Variants in FBN1 observed in about 807,000 individuals in gnomAD.
FBN1 encodes the protein fibrillin 1, also known as fibrillin-1.
In FBN1, 29 loss-of-function variants were observed where a neutral mutation model predicts 365.1. The ratio of observed to expected loss-of-function variants is 0.08; its 90% CI spans 0.06 to 0.11. FBN1 has a LOEUF of 0.11. FBN1 is among the 10% of genes least tolerant of loss of function. The pLI is 1.00. For missense variants in FBN1, 2,476 were observed against 3,703.2 expected, an observed-to-expected ratio of 0.67 and a Z score of 8.60; for synonymous variants, 1,210 against 1,270.5, an observed-to-expected ratio of 0.95 and a Z score of 1.01.
intron 63 of FBN1, among the ~76,000 whole-genome samples, chr15:48,418,126 CA>C (rs2042915622): frequency 6.6e-6 from 1 of 151,632 alleles, no homozygotes; most frequent in Admixed American, 6.6e-5. Flanking sequence ...TTTTTTATAG[CA>C]AAAAAAGACA....
At chr15:48,424,821 G>C (rs1346247376) in intron 60 of FBN1, among the ~76,000 whole-genome samples, 2 of 152,174 alleles carry the variant, frequency 1.3e-5, no homozygotes, top group Non-Finnish European at 2.9e-5. Context: ...GTTGAGAAGG[G>C]ATTTCTGCCC....
intron 54 of FBN1, 81 bp downstream of exon 54, chr15:48,434,513 T>C: frequency 6.4e-7 from 1 of 1,563,086 alleles, no homozygotes; most frequent in Non-Finnish European, 8.8e-7. Flanking sequence ...CTGAGTTGTA[T>C]TTAATATTAA....
chr15:48,556,486 A>G (rs2044181654), intron 6 of FBN1, among the ~76,000 whole-genome samples: 1 of 152,236 alleles, frequency 6.6e-6, no homozygotes, highest in African/African-American at 2.4e-5. Context: ...CCCTTGAAAT[A>G]CCCACGGATT....
In FBN1 at chr15:48,596,362, G is replaced by C; in HGVS notation, c.459C>G (p.Gly153=). 1 of 1,613,994 alleles carries C rather than the reference G, an allele frequency of 6.2e-7. No homozygotes were observed. Among genetic ancestry groups the C allele is most frequent in the Middle Eastern group, 1.7e-4 (1 of 6,060 alleles). ...THCGQPVCES[G]CLNGGRCVAP... is the part of the protein sequence containing the mutation. Reference sequence around the variant, plus strand: ...CCACACACCTTCCTCCATTGAGACAGCCACTTTCACAAACAGCTGTAAAAT... The same window carrying C: ...CCACACACCTTCCTCCATTGAGACACCCACTTTCACAAACAGCTGTAAAAT... Residue 153 remains glycine, a synonymous_variant, in exon 6 of 66, where the codon GGC becomes GGG. Transcript: ENST00000316623.
At chr15:48,417,456 CTTCCTTCCTTCCT>C (rs1159645039) in intron 63 of FBN1, among the ~76,000 whole-genome samples, 4 of 124,562 alleles carry the variant, frequency 3.2e-5, no homozygotes, top group Admixed American at 2.7e-4. Context: ...CCTTTCCTTC[CTTCCTTCCTTCCT>C]TTCCTTCCTT....
chr15:48,498,312 A>C (rs2043625208), intron 18 of FBN1, among the ~76,000 whole-genome samples: 1 of 152,138 alleles, frequency 6.6e-6, no homozygotes, highest in Admixed American at 6.5e-5. Context: ...ACAATGATGA[A>C]ACTAATCATA....
intron 14 of FBN1, among the ~76,000 whole-genome samples, chr15:48,509,366 A>G (rs1019406475): frequency 6.6e-6 from 1 of 150,530 alleles, no homozygotes; most frequent in Non-Finnish European, 1.5e-5. Context: ...TCTTTTAGAC[A>G]CAGTGTTTTC....
Position 48,444,022 on chromosome 15 carries a change from C to T in FBN1, c.6037+519G>A, listed in dbSNP as rs566838716. ...ACTTCAACCTGGTGACAGAGTAAGA[C>T]CCTGTCTCCATTAAAAACAAACAAA... is the stretch of plus-strand genomic sequence containing the variant. On this transcript the variant is annotated intron_variant, in intron 49 of 65. Coordinates refer to ENST00000316623, the MANE Select transcript of FBN1 (RefSeq NM_000138.5). Among the ~76,000 whole-genome samples, 22 of 152,154 alleles carry T rather than the reference C, an allele frequency of 1.4e-4. 1 individual carries two copies. The East Asian group carries it at 4.3e-3, about 30-fold the overall frequency.
chr15:48,456,793 A>T (rs1164937791), intron 43 of FBN1, 31 bp from the exon 44 acceptor site: 2 of 1,607,348 alleles, frequency 1.2e-6, no homozygotes, highest in Non-Finnish European at 1.7e-6. Context: ...CATGAGTGAC[A>T]GGACAGCACA....
intron 54 of FBN1, 42 bp downstream of exon 54, chr15:48,434,552 A>T (rs766726254): frequency 6.2e-7 from 1 of 1,612,088 alleles, no homozygotes; most frequent in South Asian, 1.1e-5. Flanking sequence ...TGTTCCCAGG[A>T]TCAGTACACG....
intron 64 of FBN1, among the ~76,000 whole-genome samples, chr15:48,414,206 AAAGAAT>A (rs2042884923): frequency 6.6e-6 from 1 of 152,210 alleles, no homozygotes; most frequent in African/African-American, 2.4e-5. Flanking sequence ...ATTAAACTAT[AAAGAAT>A]GAGTCTACTG....
chr15:48,481,723 G>A lies in FBN1; in HGVS notation c.3896C>T (p.Thr1299Met), dbSNP rs774851476. 6.3e-5 allele frequency: 101 copies of A among 1,613,562 alleles called. No homozygotes were observed. The Admixed American group carries it at 1.4e-3, about 23-fold the overall frequency. The change falls in exon 32 of 66, where the codon ACG (threonine) becomes ATG (methionine). Residue 1299 changes from threonine to methionine, a missense_variant. Around this residue, in one of 5 missense-constraint regions of FBN1, gnomAD observed 1,780 missense variants for 2,840.8 expected, o/e 0.63. Transcript: ENST00000316623. The part of the protein sequence containing the change: ...NICLSGTCEN[T>M]KGSFICHCDM... ...ACAGTGGCAGATAAATGAGCCTTTC[G>A]TGTTTTCACAGGTCCCACTTAGGCA...
intron 63 of FBN1, among the ~76,000 whole-genome samples, 188 bp downstream of exon 63, chr15:48,420,499 A>G (rs2042931720): frequency 2.1e-5 from 2 of 96,024 alleles, no homozygotes; most frequent in African/African-American, 5.6e-5. Flanking sequence ...ACCCTCAATT[A>G]TAATTTTTTT....
At chr15:48,536,428 T>A (rs1169001544) in intron 7 of FBN1, among the ~76,000 whole-genome samples, 2 of 152,176 alleles carry the variant, frequency 1.3e-5, no homozygotes, top group Non-Finnish European at 2.9e-5. Flanking sequence ...TCTAGCTCTC[T>A]GGTCACTGTC....
At chr15:48,635,088 T>A (rs1890069575) in intron 2 of FBN1, among the ~76,000 whole-genome samples, 1 of 152,232 alleles carries the variant, frequency 6.6e-6, no homozygotes, top group South Asian at 2.1e-4. Context: ...TGGATACTTA[T>A]ATTTGAATGT....
At chr15:48,595,360 C>T (rs1431956194) in intron 6 of FBN1, among the ~76,000 whole-genome samples, 5 of 152,116 alleles carry the variant, frequency 3.3e-5, no homozygotes, top group Admixed American at 3.3e-4. Flanking sequence ...GTGATTACTG[C>T]AGTTTAAAAG....
chr15:48,516,290 C>T lies in FBN1; in HGVS notation c.1220G>A (p.Gly407Asp), dbSNP rs758241018. The T allele has an allele frequency of 4.3e-6, 7 of 1,613,644 alleles. No homozygotes were observed. The South Asian group carries it at 7.7e-5, about 18-fold the overall frequency. Residue 407 changes from glycine to aspartate, a missense_variant, in exon 11 of 66, where the codon GGC becomes GAC. Gly to Asp is a moderately conservative substitution (Grantham distance 94, BLOSUM62 -1). This residue lies in a region of FBN1 where 421 missense variants were observed against 520.1 expected (regional missense o/e 0.81). Coordinates refer to ENST00000316623, the MANE Select transcript of FBN1 (RefSeq NM_000138.5). ...AACAGGGAGAACTGGAGGAATGGGG[C>T]CAAGGGGTGGGGGAGGATATTCTGG... ...GRPEYPPPPL[G>D]PIPPVLPVPP...
intron 30 of FBN1, 74 bp from the exon 31 acceptor site, chr15:48,484,017 C>T (rs1313078101): frequency 4.7e-6 from 7 of 1,493,348 alleles, no homozygotes; most frequent in African/African-American, 4.1e-5. Context: ...CATTAACTGA[C>T]CGCAGTCAAA....
At chr15:48,559,578 C>T (rs1040255931) in intron 6 of FBN1, among the ~76,000 whole-genome samples, 15 of 152,154 alleles carry the variant, frequency 9.9e-5, no homozygotes, top group Non-Finnish European at 1.6e-4. Flanking sequence ...CTACTTACCT[C>T]GCCTGTGTCT....
Sources: gnomAD v4.1 joint callset for allele counts (sites outside exome capture counted in the v4.1 genomes callset) on GRCh38, gnomAD v4.1.1 for gene constraint, gnomAD v4.1.1 regional missense constraint, MANE v1.5 for transcripts, NCBI Gene and HGNC (gene_info 2026-07-23, HGNC 2026-07-21) for gene names.